ARHGEF38: variants seen among roughly 807,000 people sequenced by gnomAD.
ARHGEF38 encodes Rho guanine nucleotide exchange factor (GEF) 38.
A neutral mutation model predicts 79.9 loss-of-function variants in ARHGEF38; 79 were observed. The observed-to-expected ratio is 0.99, with a 90% CI of 0.82 to 1.19. ARHGEF38 has a LOEUF of 1.19. Ranked by LOEUF, ARHGEF38 falls within the 50% of genes most tolerant of loss-of-function variation. ARHGEF38 has a pLI of 0.00. For missense variants in ARHGEF38, 962 were observed against 907.2 expected (o/e 1.06, Z -0.78); for synonymous variants, 366 against 328.3 (o/e 1.11, Z -1.24).
chr4:105,556,625 C>G (rs1725263684), intron 1 of ARHGEF38, among the ~76,000 whole-genome samples: 1 of 152,074 alleles, frequency 6.6e-6, no homozygotes, highest in South Asian at 2.1e-4. Flanking sequence ...TTGTTCCCCT[C>G]CCTTTTCTCT....
At chr4:105,640,018 A>G (rs908272207) in intron 5 of ARHGEF38, among the ~76,000 whole-genome samples, 6 of 151,950 alleles carry the variant, frequency 3.9e-5, no homozygotes, top group Admixed American at 6.6e-5. Context: ...TTAGCTGTCT[A>G]TTTTGGTATT....
chr4:105,566,526 A>G (rs1024004867), intron 1 of ARHGEF38, among the ~76,000 whole-genome samples: 17 of 152,232 alleles, frequency 1.1e-4, no homozygotes, highest in African/African-American at 4.1e-4. Context: ...AAAATAGAGT[A>G]TCAATCACCT....
At chr4:105,585,203 G>C (rs1325674996) in intron 1 of ARHGEF38, among the ~76,000 whole-genome samples, 1 of 152,176 alleles carries the variant, frequency 6.6e-6, no homozygotes, top group East Asian at 1.9e-4. Context: ...GTTAACATTT[G>C]TATTGTTTTA....
At chr4:105,582,747 AAT>A (rs1726857624) in intron 1 of ARHGEF38, among the ~76,000 whole-genome samples, 1 of 152,166 alleles carries the variant, frequency 6.6e-6, no homozygotes, top group Non-Finnish European at 1.5e-5. Context: ...TTATGTTTAA[AAT>A]ATCACTATTA....
At position 105,668,662 on chromosome 4, in the gene ARHGEF38, G is replaced by GTAGATAGATGA. The variant is rs1006893876; in HGVS notation, c.2148+968_2148+969insGATAGATAGAT. On this transcript the variant is annotated intron_variant, in intron 13 of 13. Transcript: ENST00000420470. Reference sequence around the variant, plus strand: ...ATAGAGGTTATGTATATGTATATGTGTAGATAGATAGATAGATAGATAGAT... The same window carrying GTAGATAGATGA: ...ATAGAGGTTATGTATATGTATATGTGTAGATAGATGATAGATAGATAGATAGATAGATAGAT... Among the ~76,000 whole-genome samples, 110 of 149,036 alleles carry GTAGATAGATGA rather than the reference G, an allele frequency of 7.4e-4. No homozygotes were observed. The Middle Eastern group carries it at 0.014, about 19-fold the overall frequency.
At chr4:105,668,692 A>AGAT (rs1730853091) in intron 13 of ARHGEF38, among the ~76,000 whole-genome samples, 1 of 151,826 alleles carries the variant, frequency 6.6e-6, no homozygotes, top group Admixed American at 6.6e-5. Flanking sequence ...ATAGATAGAT[A>AGAT]GATAGATAGA....
chr4:105,675,050 C>T (rs1731071990), intron 13 of ARHGEF38, among the ~76,000 whole-genome samples: 1 of 152,150 alleles, frequency 6.6e-6, no homozygotes, highest in South Asian at 2.1e-4. Context: ...CTTTTGCAAA[C>T]CAAATCTTCC....
chr4:105,552,998 C>T, intron 1 of ARHGEF38, 37 bp downstream of exon 1: 6 of 1,497,780 alleles, frequency 4.0e-6, no homozygotes, highest in Non-Finnish European at 5.4e-6. Context: ...AGTTACTGCA[C>T]TCCCAGCTCC....
intron 1 of ARHGEF38, among the ~76,000 whole-genome samples, chr4:105,560,085 G>A (rs1213980870): frequency 6.6e-6 from 1 of 152,152 alleles, no homozygotes; most frequent in Non-Finnish European, 1.5e-5. Flanking sequence ...GCCATTTGAT[G>A]GTTGCAGCAC....
intron 1 of ARHGEF38, among the ~76,000 whole-genome samples, chr4:105,581,927 A>G (rs375564148): frequency 1.5e-3 from 227 of 152,126 alleles, no homozygotes; most frequent in African/African-American, 5.4e-3. Context: ...GCACTTTGGG[A>G]GGCCGAGGTG....
chr4:105,607,968 T>TAA (rs112085368), intron 2 of ARHGEF38, among the ~76,000 whole-genome samples: 2 of 151,310 alleles, frequency 1.3e-5, no homozygotes, highest in African/African-American at 4.9e-5. Flanking sequence ...GGCTTCTATT[T>TAA]AAAAAAAAAT....
intron 2 of ARHGEF38, among the ~76,000 whole-genome samples, chr4:105,600,620 A>G (rs1727780784): frequency 6.6e-6 from 1 of 152,082 alleles, no homozygotes; most frequent in Non-Finnish European, 1.5e-5. Flanking sequence ...GCAAATTTTT[A>G]TCTCCAGCCT....
At chr4:105,568,915 G>A (rs1458322087) in intron 1 of ARHGEF38, among the ~76,000 whole-genome samples, 1 of 152,088 alleles carries the variant, frequency 6.6e-6, no homozygotes, top group Non-Finnish European at 1.5e-5. Context: ...TGTTAAGTAA[G>A]GCATTAAACA....
intron 2 of ARHGEF38, among the ~76,000 whole-genome samples, chr4:105,610,481 A>G (rs895257522): frequency 1.3e-5 from 2 of 152,106 alleles, no homozygotes; most frequent in African/African-American, 4.8e-5. Context: ...AATTCAACTT[A>G]AGCTTTTAGA....
chr4:105,586,169 A>C (rs1727036597), intron 1 of ARHGEF38, among the ~76,000 whole-genome samples: 1 of 151,220 alleles, frequency 6.6e-6, no homozygotes, highest in South Asian at 2.1e-4. Flanking sequence ...AAATGTTTAA[A>C]TGCAGAGAAA....
At chr4:105,648,459 A>G (rs1729947246) in intron 6 of ARHGEF38, 90 bp from the exon 7 acceptor site, 2 of 1,183,718 alleles carry the variant, frequency 1.7e-6, no homozygotes, top group Non-Finnish European at 2.3e-6. Flanking sequence ...TTTATCTTGA[A>G]TATAAATACT....
chr4:105,640,335 CT>C (rs1175819605), intron 5 of ARHGEF38, among the ~76,000 whole-genome samples: 1 of 151,866 alleles, frequency 6.6e-6, no homozygotes, highest in East Asian at 1.9e-4. Context: ...TCATTGTGCC[CT>C]CCTCCTCCAC....
chr4:105,667,111 TCTC>T lies in ARHGEF38; in HGVS notation c.1690-15_1690-13del. On this transcript the variant is annotated splice_polypyrimidine_tract_variant and intron_variant, in intron 11 of 13. Transcript: ENST00000420470. ...TTATGTATCTGTCTAAACCAAAACT[TCTC>T]CTTATTTCTCCCAGCCAGAAATGCC... 2 of 1,524,468 alleles carry T rather than the reference TCTC, an allele frequency of 1.3e-6. No individual in the cohort carries two copies. The highest frequency in any genetic ancestry group is 1.8e-6 in the Non-Finnish European group (2 of 1,139,456). The allele number at this position is 1,524,468 out of a possible 1,614,324, so 94.4% of individuals were successfully genotyped here.
At chr4:105,570,946 T>C (rs1177363755) in intron 1 of ARHGEF38, among the ~76,000 whole-genome samples, 1 of 152,212 alleles carries the variant, frequency 6.6e-6, no homozygotes, top group African/African-American at 2.4e-5. Flanking sequence ...TGTATGACGC[T>C]ACTTATATGA....
Sources: allele counts gnomAD v4.1 joint callset (sites outside exome capture counted in the v4.1 genomes callset), GRCh38; gene constraint gnomAD v4.1.1; transcripts MANE v1.5; gene names NCBI Gene and HGNC (gene_info 2026-07-23, HGNC 2026-07-21).